SLC44A5: variants seen among roughly 807,000 people sequenced by gnomAD.
SLC44A5 encodes choline transporter-like protein 5.
SLC44A5 carries 57 observed loss-of-function variants against 101.8 expected under a neutral mutation model. The ratio of observed to expected loss-of-function variants is 0.56; its 90% CI spans 0.45 to 0.70. The LOEUF (loss-of-function observed/expected upper bound fraction) is 0.70, where lower values mean the gene tolerates loss of function less well. Among genes scored for constraint, SLC44A5 ranks in the 30% least tolerant of loss-of-function variants. The pLI is 0.00. For missense variants in SLC44A5, 737 were observed against 853.1 expected, an observed-to-expected ratio of 0.86 and a Z score of 1.70; for synonymous variants, 281 against 290.9, an observed-to-expected ratio of 0.97 and a Z score of 0.35.
intron 3 of SLC44A5, among the ~76,000 whole-genome samples, chr1:75,358,595 T>G (rs1008757555): frequency 2.0e-5 from 3 of 152,148 alleles, no homozygotes; most frequent in Non-Finnish European, 4.4e-5. Flanking sequence ...ACACTTAAGG[T>G]ATATTCCTTT....
chr1:75,206,160 T>C (rs1218970606), intron 23 of SLC44A5: 2 of 158,916 alleles, frequency 1.3e-5, no homozygotes, highest in Non-Finnish European at 2.8e-5. Context: ...ACAGTATAAA[T>C]ATAACCATAG....
chr1:75,527,058 C>A (rs980473662), intron 2 of SLC44A5, among the ~76,000 whole-genome samples: 5 of 150,886 alleles, frequency 3.3e-5, no homozygotes, highest in African/African-American at 9.8e-5. Context: ...TCGCTTGAAG[C>A]TGGGAGGCAG....
At chr1:75,318,107 T>G (rs1488241949) in intron 4 of SLC44A5, among the ~76,000 whole-genome samples, 1 of 152,162 alleles carries the variant, frequency 6.6e-6, no homozygotes, top group Admixed American at 6.6e-5. Context: ...CTGAGCTCAG[T>G]GGCTCATGCC....
At chr1:75,601,532 T>C (rs1385524784) in intron 1 of SLC44A5, among the ~76,000 whole-genome samples, 1 of 151,882 alleles carries the variant, frequency 6.6e-6, no homozygotes, top group Non-Finnish European at 1.5e-5. Context: ...TAAAGTATAA[T>C]AAAAAAGAGA....
chr1:75,369,126 G>C (rs1660058202), intron 3 of SLC44A5, among the ~76,000 whole-genome samples: 1 of 151,194 alleles, frequency 6.6e-6, no homozygotes, highest in Admixed American at 6.6e-5. Flanking sequence ...GAATCTTCCT[G>C]CCTCAGCCTC....
intron 23 of SLC44A5, among the ~76,000 whole-genome samples, chr1:75,208,590 A>C (rs1246233866): frequency 6.6e-6 from 1 of 152,202 alleles, no homozygotes; most frequent in Non-Finnish European, 1.5e-5. Flanking sequence ...AAGGCATTAC[A>C]TTTGTGGATG....
At chr1:75,354,692 A>G (rs1428619471) in intron 3 of SLC44A5, among the ~76,000 whole-genome samples, 1 of 152,220 alleles carries the variant, frequency 6.6e-6, no homozygotes, top group Non-Finnish European at 1.5e-5. Context: ...ACTCCGACAC[A>G]GAAAAGCTTA....
intron 4 of SLC44A5, among the ~76,000 whole-genome samples, chr1:75,319,972 A>G (rs60566349): frequency 0.018 from 2,760 of 152,226 alleles, 77 homozygotes; most frequent in African/African-American, 0.063. Context: ...TCTGTTCTCT[A>G]CTTCCCCAGT....
the SLC44A5 span, among the ~76,000 whole-genome samples, chr1:75,659,292 A>C: frequency 1.5e-3 from 222 of 144,326 alleles, 1 homozygote; most frequent in African/African-American, 5.1e-3. Flanking sequence ...AACCAAACAA[A>C]GATTTTTTTA....
the SLC44A5 span, among the ~76,000 whole-genome samples, chr1:75,666,396 T>A: frequency 1.3e-5 from 2 of 152,130 alleles, 1 homozygote; most frequent in South Asian, 4.1e-4. Context: ...CAGAAAGAAG[T>A]CAAATCCCTG....
At chr1:75,634,389 A>G in the SLC44A5 span, among the ~76,000 whole-genome samples, 1 of 152,122 alleles carries the variant, frequency 6.6e-6, no homozygotes, top group Non-Finnish European at 1.5e-5. Context: ...AGCTGGAGGC[A>G]TCACGCTACC....
At chr1:75,709,173 A>C in the SLC44A5 span, among the ~76,000 whole-genome samples, 1 of 152,200 alleles carries the variant, frequency 6.6e-6, no homozygotes, top group Non-Finnish European at 1.5e-5. Context: ...TCTTTAACCT[A>C]TAACCAAATA....
chr1:75,623,582 A>G, the SLC44A5 span, among the ~76,000 whole-genome samples: 1 of 152,152 alleles, frequency 6.6e-6, no homozygotes, highest in East Asian at 1.9e-4. Context: ...AAAGTCTCAA[A>G]GGATAAGGTT....
chr1:75,659,967 G>T, the SLC44A5 span, among the ~76,000 whole-genome samples: 1 of 152,236 alleles, frequency 6.6e-6, no homozygotes, highest in East Asian at 1.9e-4. Flanking sequence ...CACCTTGGAG[G>T]CCAAGGCAGG....
At chr1:75,216,512 C>A (rs1379514146) in intron 18 of SLC44A5, among the ~76,000 whole-genome samples, 1 of 151,862 alleles carries the variant, frequency 6.6e-6, no homozygotes, top group Non-Finnish European at 1.5e-5. Flanking sequence ...TTTTTAGAAG[C>A]TGCCATACTG....
At chr1:75,582,632 G>A in intron 1 of SLC44A5, 1 of 242,218 alleles carries the variant, frequency 4.1e-6, no homozygotes, top group Non-Finnish European at 7.8e-6. Flanking sequence ...TCTGCATAGG[G>A]CTGGTGTCCT....
At chr1:75,604,387 C>T (rs966283767) in intron 1 of SLC44A5, among the ~76,000 whole-genome samples, 4 of 152,056 alleles carry the variant, frequency 2.6e-5, no homozygotes, top group Non-Finnish European at 4.4e-5. Context: ...TGTTTTTGTA[C>T]CAGTACCATG....
the SLC44A5 span, among the ~76,000 whole-genome samples, chr1:75,702,144 T>C: frequency 1.3e-5 from 2 of 152,056 alleles, no homozygotes; most frequent in South Asian, 2.1e-4. Context: ...CTTCACAGAA[T>C]TGGAAAAAAA....
At chr1:75,519,180 G>A (rs911114267) in intron 2 of SLC44A5, among the ~76,000 whole-genome samples, 1 of 152,036 alleles carries the variant, frequency 6.6e-6, no homozygotes, top group Non-Finnish European at 1.5e-5. Context: ...CAATAGACAA[G>A]TTTCGCACAA....
Sources: gnomAD v4.1 joint callset for allele counts (sites outside exome capture counted in the v4.1 genomes callset) on GRCh38, gnomAD v4.1.1 for gene constraint, MANE v1.5 for transcripts, NCBI Gene and HGNC (gene_info 2026-07-23, HGNC 2026-07-21) for gene names.